Variants in NEIL1 observed in about 807,000 individuals in gnomAD.
NEIL1 encodes nei like DNA glycosylase 1.
Under a neutral mutation model 44.2 loss-of-function variants are expected in NEIL1, and 31 were observed. The ratio of observed to expected loss-of-function variants is 0.70; its 90% confidence interval spans 0.53 to 0.95. NEIL1 has a LOEUF of 0.95. NEIL1 is among the 40% of genes least tolerant of loss of function. The pLI is 0.00. For missense variants in NEIL1, 549 were observed against 515.5 expected, an observed-to-expected ratio of 1.07 and a Z score of -0.63; for synonymous variants, 254 against 209.7, an observed-to-expected ratio of 1.21 and a Z score of -1.83.
intron 5 of NEIL1, 124 bp from the exon 6 acceptor site, chr15:75,353,615 A>G (rs762119687): frequency 4.0e-6 from 4 of 1,002,120 alleles, no homozygotes; most frequent in East Asian, 2.4e-5. Context: ...GAGGAGGGAG[A>G]GTGTGGCCCC....
Position 75,356,959 on chromosome 15 carries a change from G to C in NEIL1, c.*1925G>C, listed in dbSNP as rs1460904750. On this transcript the variant is annotated 3_prime_UTR_variant, in exon 10 of 10. Coordinates refer to ENST00000355059, the MANE Select transcript of NEIL1 (RefSeq NM_024608.4). The surrounding 1 kb of genome is among the most constrained non-coding windows in gnomAD (Gnocchi z 5.8). The stretch of plus-strand genomic sequence containing the variant: ...CCCTGTGCCCCTCTTTGTGCTCCCA[G>C]ACTCCAGAGCTCCTGTCACTAGGCC... 12 of 1,411,710 alleles carry C rather than the reference G, an allele frequency of 8.5e-6. No homozygotes were observed. In the Admixed American group the frequency reaches 1.9e-4, roughly 22 times the overall value. The allele number at this position is 1,411,710 out of a possible 1,614,324, so 87.4% of individuals were successfully genotyped here.
chr15:75,354,408 A>G, intron 7 of NEIL1, 23 bp from the exon 8 acceptor site: 1 of 1,613,950 alleles, frequency 6.2e-7, no homozygotes, highest in Non-Finnish European at 8.5e-7. Flanking sequence ...GGACCCTCCA[A>G]CTCCAACACC....
In NEIL1 at chr15:75,352,692, G is replaced by A; in HGVS notation, c.709G>A (p.Val237Ile). The A allele has an allele frequency of 6.2e-7, 1 of 1,610,660 alleles. No homozygotes were observed. The highest frequency in any genetic ancestry group is 1.3e-5 in the African/African-American group (1 of 74,938). Residue 237 changes from valine to isoleucine, a missense_variant, in exon 5 of 10, where the codon GTC becomes ATC. Val to Ile is a conservative substitution (Grantham distance 29, BLOSUM62 3). Coordinates refer to ENST00000355059, the MANE Select transcript of NEIL1 (RefSeq NM_024608.4). ...ELCHSVPKEVVQLGGKGYGSE... is the reference protein window; with the variant it reads ...ELCHSVPKEVIQLGGKGYGSE... ...ATGTCACTCAGTGCCCAAGGAAGTG[G>A]TCCAGTTGGGTGAGGCCAAAGATGG... is the stretch of plus-strand genomic sequence containing the variant.
At chr15:75,353,313 A>G (rs1277344493) in intron 5 of NEIL1, 1 of 287,772 alleles carries the variant, frequency 3.5e-6, no homozygotes, top group East Asian at 8.0e-5. Context: ...CTAGCCTCAA[A>G]CTGGGCTCAA....
chr15:75,354,492 G>A lies in NEIL1; in HGVS notation c.936G>A (p.Glu312=), dbSNP rs1308033488. Residue 312 remains glutamate, a splice_region_variant and synonymous_variant, in exon 8 of 10, where the codon GAG becomes GAA. Transcript: ENST00000355059. ...ATQLSPEDRV[E]DALPPSKAPS... is the part of the protein sequence containing the mutation. Reference sequence around the variant, plus strand: ...AGCTGAGTCCTGAGGACAGAGTGGAGGTATGGCTGCCTGCTCCCGCCTCCT... The same window carrying A: ...AGCTGAGTCCTGAGGACAGAGTGGAAGTATGGCTGCCTGCTCCCGCCTCCT... 6.2e-7 allele frequency: 1 copy of A among 1,614,064 alleles called. No individual in the cohort carries two copies. Among genetic ancestry groups the A allele is most frequent in the African/African-American group, 1.3e-5 (1 of 74,942 alleles).
intron 1 of NEIL1, chr15:75,348,017 G>A: frequency 5.1e-6 from 6 of 1,180,790 alleles, no homozygotes; most frequent in Non-Finnish European, 6.5e-6. Flanking sequence ...GCAAAGCAGG[G>A]AGGGCGGAGG....
intron 2 of NEIL1, chr15:75,351,842 G>A (rs5745916): frequency 0.019 from 7,174 of 374,726 alleles, 100 homozygotes; most frequent in Middle Eastern, 0.058. Context: ...GGCTGGTCTC[G>A]ACCTCCTGAC....
chr15:75,356,181 C>T lies in NEIL1; in HGVS notation c.*1147C>T, dbSNP rs1160191870. 1.2e-6 allele frequency: 2 copies of T among 1,613,606 alleles called. No individual in the cohort carries two copies. Among genetic ancestry groups the T allele is most frequent in the Middle Eastern group, 1.7e-4 (1 of 6,056 alleles). On this transcript the variant is annotated 3_prime_UTR_variant, in exon 10 of 10. Coordinates refer to ENST00000355059, the MANE Select transcript of NEIL1 (RefSeq NM_024608.4). The surrounding 1 kb of genome is among the most constrained non-coding windows in gnomAD (Gnocchi z 5.8). Reference sequence around the variant, plus strand: ...CGTGGCTGCCGTGGGCCTCATACAGCCTCAGGACCAGCGAGCGGCGCTGGG... The same window carrying T: ...CGTGGCTGCCGTGGGCCTCATACAGTCTCAGGACCAGCGAGCGGCGCTGGG...
At chr15:75,351,349 C>G in intron 2 of NEIL1, 1 of 429,390 alleles carries the variant, frequency 2.3e-6, no homozygotes. Flanking sequence ...CATCACAGCT[C>G]ATTGCAGCCT....
chr15:75,354,576 CG>C, intron 8 of NEIL1, 76 bp from the exon 9 acceptor site: 1 of 1,611,024 alleles, frequency 6.2e-7, no homozygotes, highest in Non-Finnish European at 8.5e-7. Context: ...CCTAAGAGGG[CG>C]GGGGGAGTGG....
Position 75,349,113 on chromosome 15 carries a change from C to A in NEIL1, c.208C>A (p.Gln70Lys), listed in dbSNP as rs555332483. 1.2e-6 allele frequency: 2 copies of A among 1,611,930 alleles called. No individual in the cohort carries two copies. Among genetic ancestry groups the A allele is most frequent in the South Asian group, 2.2e-5 (2 of 91,088 alleles). Residue 70 changes from glutamine to lysine, a missense_variant, in exon 2 of 10, where the codon CAG (glutamine) becomes AAG (lysine). Physicochemically the swap from Gln to Lys is moderately conservative, Grantham distance 53 (BLOSUM62 1). Coordinates refer to ENST00000355059, the MANE Select transcript of NEIL1 (RefSeq NM_024608.4). ...LSPLPGAQPQ[Q>K]EPLALVFRFG... ...CCCTCTGCCTGGGGCCCAGCCCCAA[C>A]AGGAGCCACTGGCCCTGGTCTTCCG...
chr15:75,349,603 C>T (rs577757965), intron 2 of NEIL1: 108 of 488,346 alleles, frequency 2.2e-4, no homozygotes, highest in Non-Finnish European at 3.6e-4. Context: ...ATCACGAGGT[C>T]AGGAGTTCGA....
intron 2 of NEIL1, chr15:75,351,493 T>G (rs1486765259): frequency 3.0e-6 from 1 of 338,218 alleles, no homozygotes; most frequent in Admixed American, 4.2e-5. Context: ...CCCAGGCTGG[T>G]CTCCTGGGCT....
intron 2 of NEIL1, chr15:75,351,503 T>C (rs2071889544): frequency 3.1e-6 from 1 of 320,646 alleles, no homozygotes; most frequent in African/African-American, 2.2e-5. Context: ...TCTCCTGGGC[T>C]GAAGTGATCC....
intron 2 of NEIL1, among the ~76,000 whole-genome samples, chr15:75,350,289 G>A (rs1330397571): frequency 6.6e-6 from 1 of 152,218 alleles, no homozygotes. Flanking sequence ...GGGTACAGCA[G>A]TGAACAAGAT....
rs1020876150 is a variant in NEIL1, at chr15:75,348,817, TG to T, written c.-22-63del. On this transcript the variant is annotated intron_variant, in intron 1 of 9. Coordinates refer to ENST00000355059, the MANE Select transcript of NEIL1 (RefSeq NM_024608.4). ...GACCCTCCGAGTTCTCCTCTAAAAA[TG>T]GGGCTGACAGCCGCTACCTCACAAA... is the stretch of plus-strand genomic sequence containing the variant. The T allele has an allele frequency of 2.6e-6, 4 of 1,545,834 alleles. No homozygotes were observed. The Admixed American group carries it at 5.4e-5, about 21-fold the overall frequency.
In NEIL1 at chr15:75,356,795, C is replaced by T. The variant is rs137900637; in HGVS notation, c.*1761C>T. The stretch of plus-strand genomic sequence containing the variant: ...GGCCTGGTGGGTACCCCACTTACAG[C>T]GAGAGGCTGAGGATGCTGCCTCGCA... On this transcript the variant is annotated 3_prime_UTR_variant, in exon 10 of 10. Transcript: ENST00000355059. The surrounding 1 kb of genome is among the most constrained non-coding windows in gnomAD (Gnocchi z 5.8). 1.1e-5 allele frequency: 17 copies of T among 1,613,880 alleles called. No individual in the cohort carries two copies. The African/African-American group carries it at 1.6e-4, about 15-fold the overall frequency.
Position 75,354,238 on chromosome 15 carries a change from A to T in NEIL1, c.847-12A>T. ...CCAGGCTGATTCCTGAATTATCCCC[A>T]TCCCATTTTAGGGGGATCCTGGACC... On this transcript the variant is annotated splice_polypyrimidine_tract_variant and intron_variant, in intron 6 of 9. Transcript: ENST00000355059. The T allele has an allele frequency of 6.2e-7, 1 of 1,614,040 alleles. No homozygotes were observed. The highest frequency in any genetic ancestry group is 8.5e-7 in the Non-Finnish European group (1 of 1,179,950).
At chr15:75,348,852 C>T (rs779423939) in intron 1 of NEIL1, 32 bp from the exon 2 acceptor site, 38 of 1,586,342 alleles carry the variant, frequency 2.4e-5, no homozygotes, top group Non-Finnish European at 2.9e-5. Context: ...AAGTCCACAC[C>T]GGGCTCAACC....
Sources: allele counts gnomAD v4.1 joint callset (sites outside exome capture counted in the v4.1 genomes callset), GRCh38; gene constraint gnomAD v4.1.1; non-coding constraint Gnocchi (gnomAD v3.1); transcripts MANE v1.5; gene names NCBI Gene and HGNC (gene_info 2026-07-23, HGNC 2026-07-21).